RAF1: variants seen among roughly 807,000 people sequenced by gnomAD.
RAF1 encodes the protein Raf-1 proto-oncogene, serine/threonine kinase, also known as RAF proto-oncogene serine/threonine-protein kinase.
A neutral mutation model predicts 81.1 loss-of-function variants in RAF1; 27 were observed. The ratio of observed to expected loss-of-function variants is 0.33; its 90% CI spans 0.25 to 0.46. The LOEUF (loss-of-function observed/expected upper bound fraction) is 0.46. Ranked by LOEUF, RAF1 falls within the 20% of genes least tolerant of loss-of-function variation. The probability of loss-of-function intolerance (pLI) is 1.00; values close to 1 mark genes in which losing one functional copy is unlikely to be tolerated. For synonymous variants in RAF1, 298 were observed against 294.0 expected (o/e 1.01, Z -0.14); for missense variants, 598 against 826.0 (o/e 0.72, Z 3.38).
chr3:12,607,530 C>T (rs965883667), intron 5 of RAF1, among the ~76,000 whole-genome samples: 1 of 152,088 alleles, frequency 6.6e-6, no homozygotes, highest in Non-Finnish European at 1.5e-5. Context: ...CACTTGTAGT[C>T]CCAGCTACTC....
chr3:12,630,866 C>T (rs1026368517), intron 1 of RAF1, among the ~76,000 whole-genome samples: 3 of 152,166 alleles, frequency 2.0e-5, no homozygotes, highest in South Asian at 2.1e-4. Flanking sequence ...TGCAGTGGCA[C>T]GATCTCTGCT....
intron 1 of RAF1, among the ~76,000 whole-genome samples, chr3:12,632,099 A>AG (rs1477891506): frequency 6.6e-6 from 1 of 151,244 alleles, no homozygotes; most frequent in Non-Finnish European, 1.5e-5. Flanking sequence ...AGGCCAAGGC[A>AG]GGGGGATCAT....
chr3:12,629,146 A>C (rs893810677), intron 1 of RAF1, among the ~76,000 whole-genome samples: 1 of 152,204 alleles, frequency 6.6e-6, no homozygotes, highest in Non-Finnish European at 1.5e-5. Flanking sequence ...AAAACCAACG[A>C]AACAATGGTA....
chr3:12,604,401 A>C (rs531277801), intron 6 of RAF1, 112 bp from the exon 7 acceptor site: 1 of 1,102,322 alleles, frequency 9.1e-7, no homozygotes, highest in East Asian at 2.6e-5. Context: ...CTACCTGTAC[A>C]ACCTTTGACA....
At position 12,618,504 on chromosome 3, in the gene RAF1, T is replaced by C. The variant is rs1216072791; in HGVS notation, c.207+11A>G. The C allele has an allele frequency of 1.2e-6, 2 of 1,614,002 alleles. No individual in the cohort carries two copies. The highest frequency in any genetic ancestry group is 1.7e-4 in the Middle Eastern group (1 of 6,042). ...AAATAGCTAAATTTCCTAAGTAGAATGTTCACATACCACTGTTCTTTGCTT... is the reference window on the plus strand; with the variant it reads ...AAATAGCTAAATTTCCTAAGTAGAACGTTCACATACCACTGTTCTTTGCTT... On this transcript the variant is annotated intron_variant, in intron 2 of 17. Transcript: ENST00000442415.
At chr3:12,626,101 AC>A (rs1421316514) in intron 1 of RAF1, among the ~76,000 whole-genome samples, 1 of 151,828 alleles carries the variant, frequency 6.6e-6, no homozygotes, top group Non-Finnish European at 1.5e-5. Context: ...CCCTATTTCT[AC>A]TAAAAATACA....
At chr3:12,653,992 CTTTTTT>C (rs57322131) in intron 1 of RAF1, among the ~76,000 whole-genome samples, 5 of 141,676 alleles carry the variant, frequency 3.5e-5, no homozygotes, top group East Asian at 2.1e-4. Context: ...TTTTCTTTTT[CTTTTTT>C]TTTTTTTTCA....
intron 1 of RAF1, among the ~76,000 whole-genome samples, chr3:12,641,460 C>T (rs1304694563): frequency 1.4e-5 from 2 of 145,696 alleles, no homozygotes; most frequent in African/African-American, 2.5e-5. Flanking sequence ...ATTTGGTGGA[C>T]ATGTCCCCCC....
At chr3:12,637,174 T>A (rs887741219) in intron 1 of RAF1, among the ~76,000 whole-genome samples, 1 of 152,178 alleles carries the variant, frequency 6.6e-6, no homozygotes, top group African/African-American at 2.4e-5. Flanking sequence ...TTAAGTGTAT[T>A]ATACTCACTA....
At chr3:12,650,632 C>T (rs185217519) in intron 1 of RAF1, among the ~76,000 whole-genome samples, 1 of 152,270 alleles carries the variant, frequency 6.6e-6, no homozygotes. Flanking sequence ...TTCTAAGAAT[C>T]TACTTTCAAC....
At chr3:12,640,098 G>C (rs898402789) in intron 1 of RAF1, among the ~76,000 whole-genome samples, 10 of 152,152 alleles carry the variant, frequency 6.6e-5, no homozygotes, top group Admixed American at 4.6e-4. Flanking sequence ...TGACAAACCT[G>C]AGAAAAACAA....
chr3:12,605,486 C>T (rs2058997694), intron 6 of RAF1, among the ~76,000 whole-genome samples: 1 of 152,138 alleles, frequency 6.6e-6, no homozygotes, highest in Admixed American at 6.6e-5. Context: ...CCATGTTGGC[C>T]AGGCTAGTCT....
intron 5 of RAF1, chr3:12,608,530 G>A (rs1448946850): frequency 1.8e-6 from 1 of 559,740 alleles, no homozygotes; most frequent in African/African-American, 1.9e-5. Context: ...GTCACAGTAT[G>A]TCAATCTCAA....
At chr3:12,650,752 G>T (rs2060498829) in intron 1 of RAF1, among the ~76,000 whole-genome samples, 1 of 152,166 alleles carries the variant, frequency 6.6e-6, no homozygotes, top group Non-Finnish European at 1.5e-5. Flanking sequence ...TTGAATATGT[G>T]CTAGGCACTG....
intron 1 of RAF1, among the ~76,000 whole-genome samples, chr3:12,620,347 T>G (rs1481123709): frequency 6.6e-6 from 1 of 152,156 alleles, no homozygotes; most frequent in Non-Finnish European, 1.5e-5. Context: ...TTGGCCAGGA[T>G]GGTCTCAATC....
chr3:12,592,756 GAC>G (rs2058559667), intron 11 of RAF1, among the ~76,000 whole-genome samples: 1 of 88,280 alleles, frequency 1.1e-5, no homozygotes, highest in African/African-American at 5.3e-5. Flanking sequence ...TTTTTTTTGA[GAC>G]AGAGTCTCGC....
At chr3:12,634,683 CAGGG>C (rs1458443658) in intron 1 of RAF1, among the ~76,000 whole-genome samples, 2 of 151,858 alleles carry the variant, frequency 1.3e-5, no homozygotes, top group Non-Finnish European at 2.9e-5. Context: ...TTGAGAGTGC[CAGGG>C]AGGGAGGAAG....
At chr3:12,645,713 G>GT (rs1201729551) in intron 1 of RAF1, among the ~76,000 whole-genome samples, 1 of 152,010 alleles carries the variant, frequency 6.6e-6, no homozygotes, top group Non-Finnish European at 1.5e-5. Flanking sequence ...TTATTGTACT[G>GT]TACTGTATTT....
chr3:12,600,266 G>A lies in RAF1; in HGVS notation c.936C>T (p.Ala312=), dbSNP rs397516831. The A allele has an allele frequency of 1.2e-6, 2 of 1,614,174 alleles. No individual in the cohort carries two copies. The highest frequency in any genetic ancestry group is 1.6e-4 in the Middle Eastern group (1 of 6,062). The change falls in exon 10 of 18, where the codon GCC becomes GCT. Residue 312 remains alanine, a synonymous_variant. Coordinates refer to ENST00000442415, the MANE Select transcript of RAF1 (RefSeq NM_001354689.3). ...TCAGATTGTTGGGGCTACTGGACAG[G>A]GCTGAAGGTGAGGCTTAATAGACAA... is the stretch of plus-strand genomic sequence containing the variant.
Sources: gnomAD v4.1 joint callset for allele counts (sites outside exome capture counted in the v4.1 genomes callset) on GRCh38, gnomAD v4.1.1 for gene constraint, MANE v1.5 for transcripts, NCBI Gene and HGNC (gene_info 2026-07-23, HGNC 2026-07-21) for gene names.